HMCN2: variants seen among roughly 807,000 people sequenced by gnomAD.
HMCN2 encodes the protein hemicentin 2.
Under a neutral mutation model 377.5 loss-of-function variants are expected in HMCN2, and 325 were observed. That is an observed-to-expected ratio of 0.86 (90% CI 0.79 to 0.94). HMCN2 has a LOEUF of 0.94. Ranked by LOEUF, HMCN2 falls within the 40% of genes least tolerant of loss-of-function variation. The pLI is 0.00. For missense variants in HMCN2, 4,543 were observed against 4,725.3 expected (o/e 0.96, Z 1.13); for synonymous variants, 2,007 against 2,046.8 (o/e 0.98, Z 0.53).
In HMCN2 at chr9:130,406,089, C is replaced by G; in HGVS notation, c.12474C>G (p.Asp4158Glu). Residue 4158 changes from aspartate (D) to glutamate (E), a missense_variant, in exon 82 of 98, where the codon GAC (aspartate) becomes GAG (glutamate). By Grantham distance (45) the Asp-to-Glu change is conservative. Transcript: ENST00000683500. Reference protein sequence around the residue: ...LPGDRSLRLGDRLWLRCAARG... With the variant: ...LPGDRSLRLGERLWLRCAARG... Reference sequence around the variant, plus strand: ...GGGACCGCAGCCTGCGCCTTGGGGACAGGCTGTGGCTTCGCTGTGCAGCCC... The same window carrying G: ...GGGACCGCAGCCTGCGCCTTGGGGAGAGGCTGTGGCTTCGCTGTGCAGCCC... 1 of 1,289,876 alleles carries G rather than the reference C, an allele frequency of 7.8e-7. No individual in the cohort carries two copies. The highest frequency in any genetic ancestry group is 1.0e-6 in the Non-Finnish European group (1 of 988,888). 79.9% of individuals were successfully genotyped at this position (1,289,876 alleles called of 1,614,324 possible).
intron 57 of HMCN2, 57 bp downstream of exon 57, chr9:130,383,657 C>A: frequency 1.2e-6 from 1 of 814,028 alleles, no homozygotes; most frequent in Non-Finnish European, 1.5e-6. Flanking sequence ...CCAGGGGGCA[C>A]TGCCTTGGGG....
intron 89 of HMCN2, among the ~76,000 whole-genome samples, chr9:130,425,344 A>C (rs1387322770): frequency 6.6e-6 from 1 of 152,144 alleles, no homozygotes; most frequent in Non-Finnish European, 1.5e-5. Flanking sequence ...CTGCGACTTC[A>C]GATCAGAGTA....
At chr9:130,364,545 TA>T in intron 40 of HMCN2, among the ~76,000 whole-genome samples, 168 bp from the exon 41 acceptor site, 1 of 152,204 alleles carries the variant, frequency 6.6e-6, no homozygotes, top group African/African-American at 2.4e-5. Flanking sequence ...GGGATGTGGA[TA>T]TCGTGACAAT....
At chr9:130,326,767 G>A (rs1001512280) in intron 21 of HMCN2, among the ~76,000 whole-genome samples, 24 of 152,194 alleles carry the variant, frequency 1.6e-4, no homozygotes, top group African/African-American at 4.6e-4. Flanking sequence ...GGCGGGGAGC[G>A]GGGAGGAAGG....
Position 130,365,732 on chromosome 9 carries a change from G to C in HMCN2, c.6505+5G>C. ...ACTACAATCTGAACGTCTGGGGTGA[G>C]GGTCTCCCAGGCTGGGCAGGGGGAG... On this transcript the variant is annotated splice_donor_5th_base_variant and intron_variant, in intron 42 of 97. Coordinates refer to ENST00000683500, the MANE Select transcript of HMCN2 (RefSeq NM_001291815.2). 1.0e-6 allele frequency: 1 copy of C among 985,454 alleles called. No homozygotes were observed. The highest frequency in any genetic ancestry group is 1.2e-6 in the Non-Finnish European group (1 of 829,520). The allele number at this position is 985,454 out of a possible 1,614,324, so 61.0% of individuals were successfully genotyped here.
Position 130,405,055 on chromosome 9 carries a change from T to G in HMCN2, c.12335T>G (p.Leu4112Trp). The G allele has an allele frequency of 7.8e-7, 1 of 1,284,826 alleles. No homozygotes were observed. Among genetic ancestry groups the G allele is most frequent in the Non-Finnish European group, 1.0e-6 (1 of 986,638 alleles). The allele number at this position is 1,284,826 out of a possible 1,614,324, so 79.6% of individuals were successfully genotyped here. A position where few individuals can be genotyped will look rare whatever the true frequency, so the allele number is the denominator to read the frequency against. Residue 4112 changes from leucine to tryptophan, a missense_variant, in exon 81 of 98, where the codon TTG (leucine) becomes TGG (tryptophan). Coordinates refer to ENST00000683500, the MANE Select transcript of HMCN2 (RefSeq NM_001291815.2). ...TCTGGGGAGTTGCTGGTGAAGAACT[T>G]GGAGGTGAGGCACTGCCCCAAGGGG... The part of the protein sequence containing the change: ...QPSGELLVKN[L>W]EGQDAGTYTC...
intron 56 of HMCN2, among the ~76,000 whole-genome samples, chr9:130,383,268 G>C (rs563915355): frequency 6.5e-5 from 2 of 30,832 alleles, no homozygotes; most frequent in Non-Finnish European, 3.6e-4. Context: ...CCACAGGGGT[G>C]GGGGAGGCTC....
Position 130,433,742 on chromosome 9 carries a change from G to A in HMCN2, c.*49G>A, listed in dbSNP as rs1261796980. The A allele has an allele frequency of 7.4e-7, 1 of 1,359,250 alleles. No homozygotes were observed. Among genetic ancestry groups the A allele is most frequent in the East Asian group, 3.1e-5 (1 of 32,628 alleles). The allele number at this position is 1,359,250 out of a possible 1,614,324, so 84.2% of individuals were successfully genotyped here. On this transcript the variant is annotated 3_prime_UTR_variant, in exon 98 of 98. Transcript: ENST00000683500. ...CCCTGGCGTGACCCCCGAGGAAGGG[G>A]TCGAGGAGAAGCTTGGTCCACGCCA...
rs1275539813 is a variant in HMCN2 at position 130,357,948 on chromosome 9, A to G, written c.5540A>G (p.Lys1847Arg). Residue 1847 changes from lysine (K) to arginine (R), a missense_variant, in exon 35 of 98, where the codon AAG (lysine) becomes AGG (arginine). By Grantham distance (26) the Lys-to-Arg change is conservative (BLOSUM62 2). Transcript: ENST00000683500. ...GVPTPSLRWW[K>R]DGVALAAFGG... ...CCCACCCCAAGCCTCCGTTGGTGGAAGGATGGTGTAGCCCTGGCAGCCTTT... is the reference window on the plus strand; with the variant it reads ...CCCACCCCAAGCCTCCGTTGGTGGAGGGATGGTGTAGCCCTGGCAGCCTTT... 7.7e-7 allele frequency: 1 copy of G among 1,304,128 alleles called. No homozygotes were observed. Among genetic ancestry groups the G allele is most frequent in the Admixed American group, 2.3e-5 (1 of 43,568 alleles). The allele number at this position is 1,304,128 out of a possible 1,614,324, so 80.8% of individuals were successfully genotyped here. A position where few individuals can be genotyped will look rare whatever the true frequency, so the allele number is the denominator to read the frequency against.
chr9:130,433,422 T>G lies in HMCN2; in HGVS notation c.14969T>G (p.Leu4990Arg). The G allele has an allele frequency of 1.3e-6, 2 of 1,492,454 alleles. No individual in the cohort carries two copies. The highest frequency in any genetic ancestry group is 1.8e-6 in the Non-Finnish European group (2 of 1,129,376). 92.5% of individuals were successfully genotyped at this position (1,492,454 alleles called of 1,614,324 possible). The change falls in exon 98 of 98, where the codon CTG becomes CGG. Residue 4990 changes from leucine to arginine, a missense_variant. Transcript: ENST00000683500. ...PSTLQYRLLPLPLGVRAHHDV... is the reference protein window; with the variant it reads ...PSTLQYRLLPRPLGVRAHHDV... ...ACGCTGCAGTACCGGCTGCTGCCGC[T>G]GCCCCTGGGCGTGCGCGCCCACCAC...
At chr9:130,403,959 C>A (rs1842972179) in intron 80 of HMCN2, 84 bp downstream of exon 80, 1 of 1,167,778 alleles carries the variant, frequency 8.6e-7, no homozygotes, top group Non-Finnish European at 1.1e-6. Flanking sequence ...CTCTGCCTGG[C>A]AGGGCACACT....
At chr9:130,281,839 G>A (rs1201612955) in intron 1 of HMCN2, among the ~76,000 whole-genome samples, 1 of 145,214 alleles carries the variant, frequency 6.9e-6, no homozygotes, top group African/African-American at 2.6e-5. Flanking sequence ...GCAGTGAGCC[G>A]AGATTGCACC....
intron 86 of HMCN2, chr9:130,419,418 T>G: frequency 2.3e-5 from 4 of 171,344 alleles, no homozygotes; most frequent in East Asian, 3.3e-4. Flanking sequence ...GCATCACACA[T>G]TGCCTGGCCG....
intron 56 of HMCN2, among the ~76,000 whole-genome samples, chr9:130,383,189 CT>C (rs1841822580): frequency 6.6e-6 from 1 of 152,256 alleles, no homozygotes; most frequent in South Asian, 2.1e-4. Flanking sequence ...AGGCAGCCCC[CT>C]GAGTCACCCC....
At chr9:130,430,668 G>A in intron 95 of HMCN2, 64 bp downstream of exon 95, 1 of 1,421,328 alleles carries the variant, frequency 7.0e-7, no homozygotes, top group Non-Finnish European at 9.4e-7. Context: ...CCCTAGGGTG[G>A]GTGTGCAGGT....
chr9:130,391,359 C>T lies in HMCN2; in HGVS notation c.9823C>T (p.Leu3275Phe), dbSNP rs921521502. ...GCTGGGCCAGGACATGGGCCCCCAC[C>T]TCCGGTAAGACTTGGCCCATGCCCT... The part of the protein sequence containing the change: ...SPLGQDMGPH[L>F]RFYLDGGSLV... Residue 3275 changes from leucine to phenylalanine, a missense_variant, in exon 64 of 98, where the codon CTC becomes TTC. Physicochemically the swap from Leu to Phe is conservative, Grantham distance 22. Around this residue, in one of 5 missense-constraint regions of HMCN2, gnomAD observed 1,073 missense variants for 1,319.5 expected, o/e 0.81. Coordinates refer to ENST00000683500, the MANE Select transcript of HMCN2 (RefSeq NM_001291815.2). 1 of 987,588 alleles carries T rather than the reference C, an allele frequency of 1.0e-6. No homozygotes were observed. The highest frequency in any genetic ancestry group is 4.7e-5 in the South Asian group (1 of 21,394). 61.2% of individuals were successfully genotyped at this position (987,588 alleles called of 1,614,324 possible).
rs544155088 is a variant in HMCN2 at position 130,408,726 on chromosome 9, G to A, written c.12689-17G>A. The A allele has an allele frequency of 8.7e-4, 1,108 of 1,278,380 alleles. 3 individuals are homozygous for A. Among genetic ancestry groups the A allele is most frequent in the South Asian group, 2.3e-3 (182 of 80,440 alleles). 79.2% of individuals were successfully genotyped at this position (1,278,380 alleles called of 1,614,324 possible). On this transcript the variant is annotated splice_polypyrimidine_tract_variant and intron_variant, in intron 83 of 97. Coordinates refer to ENST00000683500, the MANE Select transcript of HMCN2 (RefSeq NM_001291815.2). ...CAACCTCTTTTCTGACAACTTGCTC[G>A]ATGTCACCCCATGCAGAGGCTCCTG... is the stretch of plus-strand genomic sequence containing the variant.
rs1325262139 is a variant in HMCN2 at position 130,357,978 on chromosome 9, G to A, written c.5570G>A (p.Gly1857Glu). 7.7e-7 allele frequency: 1 copy of A among 1,303,820 alleles called. No individual in the cohort carries two copies. Among genetic ancestry groups the A allele is most frequent in the African/African-American group, 1.5e-5 (1 of 65,838 alleles). 80.8% of individuals were successfully genotyped at this position (1,303,820 alleles called of 1,614,324 possible). ...GGTGTAGCCCTGGCAGCCTTTGGGGGGAACCTACAGGTATGTGCAGGGGCC... is the reference window on the plus strand; with the variant it reads ...GGTGTAGCCCTGGCAGCCTTTGGGGAGAACCTACAGGTATGTGCAGGGGCC... ...KDGVALAAFG[G>E]NLQIEKVDLR... is the part of the protein sequence containing the mutation. Residue 1857 changes from glycine to glutamate, a missense_variant, in exon 35 of 98, where the codon GGG (glycine) becomes GAG (glutamate). Around this residue, in one of 5 missense-constraint regions of HMCN2, gnomAD observed 1,032 missense variants for 1,285.1 expected, o/e 0.80. Coordinates refer to ENST00000683500, the MANE Select transcript of HMCN2 (RefSeq NM_001291815.2).
At position 130,359,426 on chromosome 9, in the gene HMCN2, C is replaced by A; in HGVS notation, c.5773+12C>A. The A allele has an allele frequency of 7.8e-7, 1 of 1,282,830 alleles. No homozygotes were observed. Among genetic ancestry groups the A allele is most frequent in the Non-Finnish European group, 1.0e-6 (1 of 970,598 alleles). 79.5% of individuals were successfully genotyped at this position (1,282,830 alleles called of 1,614,324 possible). A position where few individuals can be genotyped will look rare whatever the true frequency, so the allele number is the denominator to read the frequency against. On this transcript the variant is annotated intron_variant, in intron 37 of 97. Transcript: ENST00000683500. ...CGTGCCCCCTCCTGGTAAGACCCCTCCTCTTGGCTGAAAGCTACTTCCAGC... is the reference window on the plus strand; with the variant it reads ...CGTGCCCCCTCCTGGTAAGACCCCTACTCTTGGCTGAAAGCTACTTCCAGC...
Sources: gnomAD v4.1 joint callset for allele counts (sites outside exome capture counted in the v4.1 genomes callset) on GRCh38, gnomAD v4.1.1 for gene constraint, gnomAD v4.1.1 regional missense constraint, MANE v1.5 for transcripts, NCBI Gene and HGNC (gene_info 2026-07-23, HGNC 2026-07-21) for gene names.